The following FAM199X variants were observed in gnomAD, a reference collection of about 807,000 sequenced individuals.
The protein encoded by FAM199X is family with sequence similarity 199, X-linked.
Under a neutral mutation model 22.9 loss-of-function variants are expected in FAM199X, and 4 were observed. The observed-to-expected ratio is 0.17, with a 90% CI of 0.09 to 0.40. The LOEUF is 0.40. Among genes scored for constraint, FAM199X ranks in the 10% least tolerant of loss-of-function variants. The pLI, the probability that FAM199X is intolerant of heterozygous loss-of-function variation, is 1.00. For missense variants in FAM199X, 183 were observed against 306.8 expected, an observed-to-expected ratio of 0.60 and a Z score of 3.01; for synonymous variants, 101 against 112.3, an observed-to-expected ratio of 0.90 and a Z score of 0.64.
rs782102987 is a variant in FAM199X, at chrX:104,192,274, T to C, written c.*2496T>C. 5.4e-5 allele frequency: 6 copies of C among 111,898 alleles called. No homozygotes were observed. The highest frequency in any genetic ancestry group is 9.5e-5 in the Admixed American group (1 of 10,509). The allele number at this position is 111,898 out of a possible 1,213,427, so 9.2% of individuals were successfully genotyped here. ...GGAATAAGTAATAATTTATTCAATA[T>C]GGTGTATCTCTGAGTTCAATTTAAA... is the stretch of plus-strand genomic sequence containing the variant. On this transcript the variant is annotated 3_prime_UTR_variant, in exon 6 of 6. Transcript: ENST00000493442.
At chrX:104,160,780 G>A in the FAM199X span, among the ~76,000 whole-genome samples, 1 of 111,683 alleles carries the variant, frequency 9.0e-6, no homozygotes, top group South Asian at 3.7e-4. Context: ...AAATGTTCAG[G>A]TTGAAAATGA....
upstream of FAM199X, among the ~76,000 whole-genome samples, chrX:104,162,897 CCA>C (rs1921073181): frequency 9.0e-6 from 1 of 111,526 alleles, no homozygotes; most frequent in Admixed American, 9.6e-5. Flanking sequence ...TGATGCTTGC[CCA>C]GTCTTAATCA....
At position 104,189,701 on chromosome X, in the gene FAM199X, C is replaced by T; in HGVS notation, c.1090C>T (p.Leu364Phe). ...GGCCCGGAAGGAGAGGCTCAGTGGG[C>T]TCTTCCTTAACGAAGAGGTGCTGTC... is the stretch of plus-strand genomic sequence containing the variant. Reference protein sequence around the residue: ...RQARKERLSGLFLNEEVLSLK... With the variant: ...RQARKERLSGFFLNEEVLSLK... The change falls in exon 6 of 6, where the codon CTC (leucine) becomes TTC (phenylalanine). Residue 364 changes from leucine to phenylalanine, a missense_variant. Leu to Phe is a conservative substitution (Grantham distance 22, BLOSUM62 0). Transcript: ENST00000493442. The T allele has an allele frequency of 5.0e-6, 6 of 1,211,701 alleles. No homozygotes were observed. Among genetic ancestry groups the T allele is most frequent in the Middle Eastern group, 2.3e-4 (1 of 4,320 alleles).
upstream of FAM199X, among the ~76,000 whole-genome samples, chrX:104,166,359 C>G (rs1921181886): frequency 9.0e-6 from 1 of 110,760 alleles, no homozygotes; most frequent in Non-Finnish European, 1.9e-5. Flanking sequence ...CCGCGGCGGG[C>G]GGAGGTTCAG....
upstream of FAM199X, among the ~76,000 whole-genome samples, chrX:104,165,966 C>T (rs1556373675): frequency 9.0e-6 from 1 of 111,562 alleles, no homozygotes; most frequent in Non-Finnish European, 1.9e-5. Flanking sequence ...ACGACGTGTC[C>T]AGCAGCTCTG....
At position 104,193,281 on chromosome X, in the gene FAM199X, G is replaced by C. The variant is rs1556380862; in HGVS notation, c.*3503G>C. On this transcript the variant is annotated 3_prime_UTR_variant, in exon 6 of 6. Coordinates refer to ENST00000493442, the MANE Select transcript of FAM199X (RefSeq NM_207318.4). The stretch of plus-strand genomic sequence containing the variant: ...GTTTCATTTGTGTAACTTTATTTTC[G>C]GCCTAGCTAGATCATTGAAGAGCCT... The C allele has an allele frequency of 1.8e-5, 2 of 111,153 alleles. No homozygotes were observed. The highest frequency in any genetic ancestry group is 5.6e-4 in the East Asian group (2 of 3,577). 9.2% of individuals were successfully genotyped at this position (111,153 alleles called of 1,213,427 possible).
chrX:104,161,509 G>A (rs1921046529), upstream of FAM199X, among the ~76,000 whole-genome samples: 1 of 111,860 alleles, frequency 8.9e-6, no homozygotes, highest in Non-Finnish European at 1.9e-5. Context: ...CATTAGACTG[G>A]ATAGAATTTT....
At chrX:104,176,629 TAAA>T (rs1556376523) in intron 2 of FAM199X, among the ~76,000 whole-genome samples, 2 of 112,256 alleles carry the variant, frequency 1.8e-5, no homozygotes, top group African/African-American at 6.5e-5. Flanking sequence ...GCATCAAATT[TAAA>T]AAAGTCTCCA....
chrX:104,181,991 CTT>C (rs1210118235), intron 2 of FAM199X, among the ~76,000 whole-genome samples: 3 of 94,657 alleles, frequency 3.2e-5, no homozygotes, highest in East Asian at 3.2e-4. Flanking sequence ...TCTTTTTTTT[CTT>C]TTTTTTTTTT....
intron 5 of FAM199X, 91 bp downstream of exon 5, chrX:104,188,397 G>A (rs903709869): frequency 1.1e-5 from 12 of 1,054,192 alleles, no homozygotes; most frequent in Non-Finnish European, 1.3e-5. Flanking sequence ...AAATGATCCT[G>A]CTGTCTAGTT....
intron 2 of FAM199X, 96 bp from the exon 3 acceptor site, chrX:104,185,969 TA>T (rs1171949052): frequency 4.8e-5 from 43 of 896,472 alleles, no homozygotes; most frequent in Admixed American, 1.5e-4. Context: ...TCTCATAAAC[TA>T]ACTTTTAATC....
the FAM199X span, among the ~76,000 whole-genome samples, chrX:104,158,979 C>T: frequency 1.8e-5 from 2 of 112,066 alleles, no homozygotes; most frequent in Non-Finnish European, 1.9e-5. Flanking sequence ...CAACACCCAA[C>T]GATAGCACAC....
chrX:104,165,955 T>G (rs1486123726), upstream of FAM199X, among the ~76,000 whole-genome samples: 1 of 110,700 alleles, frequency 9.0e-6, no homozygotes, highest in East Asian at 2.9e-4. Flanking sequence ...CACAAAAGAG[T>G]ACGACGTGTC....
chrX:104,159,678 G>A, the FAM199X span, among the ~76,000 whole-genome samples: 1 of 111,787 alleles, frequency 8.9e-6, no homozygotes, highest in Non-Finnish European at 1.9e-5. Flanking sequence ...ACCAGTTCAG[G>A]CCCCCTTTAC....
chrX:104,178,783 T>C (rs1921561822), intron 2 of FAM199X, among the ~76,000 whole-genome samples: 1 of 111,849 alleles, frequency 8.9e-6, no homozygotes, highest in Non-Finnish European at 1.9e-5. Context: ...GTTTTAGTTA[T>C]TATAGCTTTT....
At position 104,186,456 on chromosome X, in the gene FAM199X, A is replaced by G. The variant is rs782821149; in HGVS notation, c.568-4A>G. 5 of 1,202,066 alleles carry G rather than the reference A, an allele frequency of 4.2e-6. No homozygotes were observed. The highest frequency in any genetic ancestry group is 3.0e-5 in the East Asian group (1 of 33,738). ...GATCTTATTGTAATTTTTTCATCAC[A>G]TAGGTGGAATATATTGAGTATCTGA... On this transcript the variant is annotated splice_region_variant and splice_polypyrimidine_tract_variant and intron_variant, in intron 3 of 5. Coordinates refer to ENST00000493442, the MANE Select transcript of FAM199X (RefSeq NM_207318.4).
rs1921197637 is a variant in FAM199X at position 104,166,620 on chromosome X, C to T, written c.-166C>T. 2.3e-6 allele frequency: 1 copy of T among 435,951 alleles called. No individual in the cohort carries two copies. Among genetic ancestry groups the T allele is most frequent in the South Asian group, 4.7e-5 (1 of 21,404 alleles). 35.9% of individuals were successfully genotyped at this position (435,951 alleles called of 1,213,427 possible). A position where few individuals can be genotyped will look rare whatever the true frequency, so the allele number is the denominator to read the frequency against. On this transcript the variant is annotated 5_prime_UTR_variant, in exon 1 of 6. Transcript: ENST00000493442. ...CTCGAGCAGCCTCTTCGCGCGGCCC[C>T]GCACCCCGGCAAGCAGCAGCGGGCC...
chrX:104,157,993 CTT>C, the FAM199X span, among the ~76,000 whole-genome samples: 1 of 112,562 alleles, frequency 8.9e-6, no homozygotes, highest in African/African-American at 3.2e-5. Flanking sequence ...TTCCTGTCCT[CTT>C]TGTCTGCTTA....
At chrX:104,183,495 C>T (rs1389683869) in intron 2 of FAM199X, among the ~76,000 whole-genome samples, 1 of 108,371 alleles carries the variant, frequency 9.2e-6, no homozygotes, top group Non-Finnish European at 1.9e-5. Context: ...TTGAGATGGT[C>T]GCTCTGTCTC....
Sources: gnomAD v4.1 joint callset for allele counts (sites outside exome capture counted in the v4.1 genomes callset) on GRCh38, gnomAD v4.1.1 for gene constraint, MANE v1.5 for transcripts, NCBI Gene and HGNC (gene_info 2026-07-23, HGNC 2026-07-21) for gene names.